CDH7: variants seen among roughly 807,000 people sequenced by gnomAD.
CDH7 encodes the protein cadherin-7.
CDH7 carries 25 observed loss-of-function variants against 71.8 expected under a neutral mutation model. That is an observed-to-expected ratio of 0.35 (90% CI 0.25 to 0.49). The LOEUF (loss-of-function observed/expected upper bound fraction) is 0.49, where lower values mean the gene tolerates loss of function less well. Ranked by LOEUF, CDH7 falls within the 20% of genes least tolerant of loss-of-function variation. The pLI, the probability that CDH7 is intolerant of heterozygous loss-of-function variation, is 0.99. For missense variants in CDH7, 862 were observed against 974.6 expected (o/e 0.88, Z 1.54); for synonymous variants, 381 against 363.8 (o/e 1.05, Z -0.54).
chr18:65,763,908 C>T (rs1369590795), intron 2 of CDH7, among the ~76,000 whole-genome samples: 2 of 151,850 alleles, frequency 1.3e-5, no homozygotes, highest in African/African-American at 2.4e-5. Flanking sequence ...AGTCTACTTC[C>T]GGTTCAATTT....
chr18:65,795,303 T>A (rs185042074), intron 2 of CDH7, among the ~76,000 whole-genome samples: 1 of 152,186 alleles, frequency 6.6e-6, no homozygotes, highest in Non-Finnish European at 1.5e-5. Context: ...GGCACTTTTT[T>A]TCCCCAACAG....
chr18:65,768,690 A>G (rs1916452841), intron 2 of CDH7, among the ~76,000 whole-genome samples: 1 of 152,122 alleles, frequency 6.6e-6, no homozygotes, highest in Non-Finnish European at 1.5e-5. Context: ...CACCAGGATA[A>G]ACGACAGAAT....
At chr18:65,852,417 C>T (rs985659368) in intron 7 of CDH7, among the ~76,000 whole-genome samples, 1 of 152,158 alleles carries the variant, frequency 6.6e-6, no homozygotes. Context: ...TGGAGCTATG[C>T]TTTCAAGGAC....
intron 7 of CDH7, among the ~76,000 whole-genome samples, chr18:65,848,351 C>T (rs1369869420): frequency 6.6e-6 from 1 of 152,136 alleles, no homozygotes; most frequent in Non-Finnish European, 1.5e-5. Context: ...TAAAACATTT[C>T]CTCTGACCTC....
chr18:65,805,483 A>G (rs1167876552), intron 2 of CDH7, among the ~76,000 whole-genome samples: 1 of 152,220 alleles, frequency 6.6e-6, no homozygotes, highest in East Asian at 1.9e-4. Flanking sequence ...GTGGGAAGCA[A>G]TTAAATATAT....
chr18:65,788,900 T>C (rs980797805), intron 2 of CDH7, among the ~76,000 whole-genome samples: 2 of 152,190 alleles, frequency 1.3e-5, no homozygotes, highest in Admixed American at 6.5e-5. Context: ...ATCAAACTTA[T>C]GGGTTAAGGA....
At position 65,889,258 on chromosome 18, in the gene CDH7, C is replaced by T. The variant is rs993665074; in HGVS notation, c.*8364C>T. 3 of 152,064 alleles carry T rather than the reference C, an allele frequency of 2.0e-5. No homozygotes were observed. Among genetic ancestry groups the T allele is most frequent in the Non-Finnish European group, 4.4e-5 (3 of 68,018 alleles). The allele number at this position is 152,064 out of a possible 1,614,324, so 9.4% of individuals were successfully genotyped here. On this transcript the variant is annotated 3_prime_UTR_variant, in exon 12 of 12. Transcript: ENST00000397968. ...GAGAAAAATCCCAACAACCCTTCCA[C>T]CTTTTCCAAAAAGAAAAAAAAGAAA...
chr18:65,808,681 T>A (rs573804642), intron 2 of CDH7, among the ~76,000 whole-genome samples: 53 of 152,158 alleles, frequency 3.5e-4, no homozygotes, highest in African/African-American at 9.2e-4. Context: ...TCCTTGGTGT[T>A]TTTTTTTCAT....
intron 6 of CDH7, among the ~76,000 whole-genome samples, chr18:65,830,513 CCTTCCTCCCTTCCTTCCTTT>C (rs1228934833): frequency 3.3e-5 from 5 of 150,410 alleles, no homozygotes; most frequent in African/African-American, 4.9e-5. Flanking sequence ...AAATACATTT[CCTTCCTCCCTTCCTTCCTTT>C]CTTCCTCCCT....
chr18:65,839,377 G>A (rs1040496957), intron 6 of CDH7, among the ~76,000 whole-genome samples: 1 of 152,100 alleles, frequency 6.6e-6, no homozygotes, highest in Non-Finnish European at 1.5e-5. Context: ...ATGGCAGAAG[G>A]GGTGAGGGAG....
At chr18:65,763,259 T>C (rs2143789541) in intron 2 of CDH7, among the ~76,000 whole-genome samples, 1 of 152,338 alleles carries the variant, frequency 6.6e-6, no homozygotes, top group Admixed American at 6.5e-5. Context: ...ACAGTGAAAC[T>C]GTATATTAGG....
chr18:65,832,489 T>A (rs919864940), intron 6 of CDH7, among the ~76,000 whole-genome samples: 2 of 152,052 alleles, frequency 1.3e-5, no homozygotes, highest in African/African-American at 2.4e-5. Flanking sequence ...TAAAGATTGC[T>A]GTAAATAATG....
At chr18:65,842,003 T>C (rs1219226787) in intron 6 of CDH7, among the ~76,000 whole-genome samples, 1 of 152,166 alleles carries the variant, frequency 6.6e-6, no homozygotes, top group Non-Finnish European at 1.5e-5. Flanking sequence ...GAGATAAAAA[T>C]TAAAACTTTT....
intron 2 of CDH7, among the ~76,000 whole-genome samples, chr18:65,765,034 C>A (rs1054989805): frequency 6.6e-6 from 1 of 151,978 alleles, no homozygotes; most frequent in Non-Finnish European, 1.5e-5. Context: ...ATATTATGTA[C>A]CTCTCTTCCA....
At chr18:65,792,872 G>C (rs1910763442) in intron 2 of CDH7, among the ~76,000 whole-genome samples, 1 of 152,114 alleles carries the variant, frequency 6.6e-6, no homozygotes, top group South Asian at 2.1e-4. Context: ...GAGGCAGCGG[G>C]CAGTGCAGTA....
At chr18:65,856,549 AG>A (rs1413514949) in intron 7 of CDH7, among the ~76,000 whole-genome samples, 2 of 152,124 alleles carry the variant, frequency 1.3e-5, no homozygotes, top group Non-Finnish European at 2.9e-5. Flanking sequence ...TGACAAGTCA[AG>A]GGTATGTTCA....
In CDH7 at chr18:65,887,382, C is replaced by A. The variant is rs2144085817; in HGVS notation, c.*6488C>A. On this transcript the variant is annotated 3_prime_UTR_variant, in exon 12 of 12. Coordinates refer to ENST00000397968, the MANE Select transcript of CDH7 (RefSeq NM_004361.5). ...CGGCACCCATTAACTCGTCATTTAG[C>A]ATTAGGTATATCTCCTAATTCTATC... 1 of 151,898 alleles carries A rather than the reference C, an allele frequency of 6.6e-6. No individual in the cohort carries two copies. The highest frequency in any genetic ancestry group is 6.6e-5 in the Admixed American group (1 of 15,206). The allele number at this position is 151,898 out of a possible 1,614,324, so 9.4% of individuals were successfully genotyped here.
intron 7 of CDH7, among the ~76,000 whole-genome samples, chr18:65,850,574 A>G (rs1373524149): frequency 6.8e-6 from 1 of 147,268 alleles, no homozygotes; most frequent in Non-Finnish European, 1.5e-5. Flanking sequence ...CATTCCCTGC[A>G]GAGGTTTTAT....
Position 65,838,413 on chromosome 18 carries a change from A to G in CDH7, c.982-5399A>G, listed in dbSNP as rs557382439. On this transcript the variant is annotated intron_variant, in intron 6 of 11. Coordinates refer to ENST00000397968, the MANE Select transcript of CDH7 (RefSeq NM_004361.5). ...ACAGCTAGAATCTCCAGAGAAAGAA[A>G]TACTCTTAATGAAGACAGTCATAGA... Among the ~76,000 whole-genome samples, 224 of 152,354 alleles carry G rather than the reference A, an allele frequency of 1.5e-3. 1 individual carries two copies. The highest frequency in any genetic ancestry group is 3.7e-3 in the Admixed American group (56 of 15,302).
Sources: gnomAD v4.1 joint callset for allele counts (sites outside exome capture counted in the v4.1 genomes callset) on GRCh38, gnomAD v4.1.1 for gene constraint, MANE v1.5 for transcripts, NCBI Gene and HGNC (gene_info 2026-07-23, HGNC 2026-07-21) for gene names.